Variants in DLGAP2 observed in about 807,000 individuals in gnomAD.
DLGAP2 encodes DLG associated protein 2.
DLGAP2 carries 26 observed loss-of-function variants against 100.3 expected under a neutral mutation model. That is an observed-to-expected ratio of 0.26 (90% CI 0.19 to 0.36). The LOEUF (loss-of-function observed/expected upper bound fraction) is 0.36, where lower values mean the gene tolerates loss of function less well. DLGAP2 is among the 10% of genes least tolerant of loss of function. The probability of loss-of-function intolerance (pLI) is 1.00; values close to 1 mark genes in which losing one functional copy is unlikely to be tolerated. For missense variants in DLGAP2, 1,858 were observed against 1,453.2 expected, an observed-to-expected ratio of 1.28 and a Z score of -4.53; for synonymous variants, 886 against 630.1, an observed-to-expected ratio of 1.41 and a Z score of -6.08.
chr8:1,626,863 G>C lies in DLGAP2; in HGVS notation c.1566G>C (p.Leu522=). The C allele has an allele frequency of 6.2e-7, 1 of 1,605,854 alleles. No homozygotes were observed. Among genetic ancestry groups the C allele is most frequent in the African/African-American group, 1.3e-5 (1 of 74,884 alleles). ...NQSYMRAVST[L]SQASCVSQVS... ...GCTACATGAGGGCCGTCAGCACCCT[G>C]AGCCAGGCCAGCTGCGTGAGCCAGG... The change falls in exon 7 of 15, where the codon CTG becomes CTC. Residue 522 remains leucine, a synonymous_variant. Coordinates refer to ENST00000637795, the MANE Select transcript of DLGAP2 (RefSeq NM_001346810.2).
At chr8:1,343,809 A>C (rs1012636993) in intron 3 of DLGAP2, among the ~76,000 whole-genome samples, 1 of 151,828 alleles carries the variant, frequency 6.6e-6, no homozygotes, top group African/African-American at 2.4e-5. Context: ...GTGGCACGAG[A>C]TCCTCCCTGC....
chr8:1,156,882 G>A (rs1218584438), intron 2 of DLGAP2, among the ~76,000 whole-genome samples: 2 of 152,170 alleles, frequency 1.3e-5, no homozygotes, highest in Admixed American at 6.5e-5. Flanking sequence ...CGAAGATGAG[G>A]AGGCTGACTC....
intron 13 of DLGAP2, among the ~76,000 whole-genome samples, chr8:1,695,428 C>CTT: frequency 7.1e-6 from 1 of 141,160 alleles, no homozygotes; most frequent in Non-Finnish European, 1.5e-5. Context: ...GGGGCACAGC[C>CTT]ATGTCCGGCC....
chr8:1,472,130 A>T (rs1461058581), intron 3 of DLGAP2, among the ~76,000 whole-genome samples: 1 of 152,224 alleles, frequency 6.6e-6, no homozygotes, highest in Non-Finnish European at 1.5e-5. Context: ...CCACAGTGAG[A>T]ACGCAGAGCA....
intron 6 of DLGAP2, among the ~76,000 whole-genome samples, chr8:1,573,880 AC>A (rs1802857804): frequency 6.6e-6 from 1 of 152,108 alleles, no homozygotes; most frequent in Non-Finnish European, 1.5e-5. Context: ...GTGTGAGCTG[AC>A]CCCTTAGAAT....
chr8:1,629,277 T>A (rs895494470), intron 7 of DLGAP2, among the ~76,000 whole-genome samples: 1 of 152,228 alleles, frequency 6.6e-6, no homozygotes, highest in Non-Finnish European at 1.5e-5. Flanking sequence ...CTCGGTTACT[T>A]CTTTCCTTCC....
chr8:1,112,470 C>T (rs1804989000), intron 2 of DLGAP2, among the ~76,000 whole-genome samples: 1 of 152,110 alleles, frequency 6.6e-6, no homozygotes, highest in Non-Finnish European at 1.5e-5. Context: ...TCGATCTCCT[C>T]ACCTCATGAT....
intron 3 of DLGAP2, among the ~76,000 whole-genome samples, chr8:1,454,910 G>T (rs938176993): frequency 1.3e-5 from 2 of 152,136 alleles, no homozygotes; most frequent in Non-Finnish European, 2.9e-5. Flanking sequence ...TGACCTGATG[G>T]CCAGGACAGG....
intron 2 of DLGAP2, among the ~76,000 whole-genome samples, chr8:1,226,624 TAAATG>T (rs948616336): frequency 2.0e-5 from 3 of 152,000 alleles, no homozygotes; most frequent in African/African-American, 7.3e-5. Context: ...ACTGAAAAAA[TAAATG>T]AAATATGGGC....
chr8:1,548,458 GAAAAAAAAAAAA>G (rs773138776), intron 4 of DLGAP2, among the ~76,000 whole-genome samples, 156 bp from the exon 5 acceptor site: 2 of 41,572 alleles, frequency 4.8e-5, no homozygotes, highest in Non-Finnish European at 8.5e-5. Flanking sequence ...GACTGTCTCA[GAAAAAAAAAAAA>G]AAAAAAAAAA....
intron 2 of DLGAP2, among the ~76,000 whole-genome samples, chr8:1,106,489 G>C (rs1356313181): frequency 6.7e-6 from 1 of 149,980 alleles, no homozygotes; most frequent in Non-Finnish European, 1.5e-5. Flanking sequence ...AGCCATTCTA[G>C]GACGGTTTTC....
chr8:1,700,088 A>C (rs1199178672), intron 14 of DLGAP2, among the ~76,000 whole-genome samples: 1 of 152,182 alleles, frequency 6.6e-6, no homozygotes, highest in African/African-American at 2.4e-5. Flanking sequence ...AGTCACGTAA[A>C]ACAAGCCGAG....
intron 3 of DLGAP2, among the ~76,000 whole-genome samples, chr8:1,368,233 T>C (rs1802153910): frequency 6.6e-6 from 1 of 152,026 alleles, no homozygotes; most frequent in African/African-American, 2.4e-5. Context: ...CAGGTGTGTA[T>C]GCATGTATGT....
At chr8:1,179,901 A>T (rs1231682567) in intron 2 of DLGAP2, among the ~76,000 whole-genome samples, 1 of 152,248 alleles carries the variant, frequency 6.6e-6, no homozygotes, top group Non-Finnish European at 1.5e-5. Flanking sequence ...TTATGTGAAA[A>T]CAAAATAACG....
chr8:1,553,912 G>C (rs1801868224), intron 5 of DLGAP2, among the ~76,000 whole-genome samples: 1 of 152,202 alleles, frequency 6.6e-6, no homozygotes, highest in Non-Finnish European at 1.5e-5. Flanking sequence ...CATCCTTGCG[G>C]TGTAGTTTAG....
In DLGAP2 at chr8:1,555,040, G is replaced by A. The variant is rs373604160; in HGVS notation, c.1230+5357G>A. ...CCACTCTAATGCACGTTTGCAATTTGAAAGGAGGGCTTTTGTTTTAAGTGG... is the reference window on the plus strand; with the variant it reads ...CCACTCTAATGCACGTTTGCAATTTAAAAGGAGGGCTTTTGTTTTAAGTGG... On this transcript the variant is annotated intron_variant, in intron 5 of 14. Coordinates refer to ENST00000637795, the MANE Select transcript of DLGAP2 (RefSeq NM_001346810.2). 2.1e-3 allele frequency among the ~76,000 whole-genome samples: 320 copies of A among 152,270 alleles called. 1 individual carries two copies. The highest frequency in any genetic ancestry group is 3.6e-3 in the Non-Finnish European group (242 of 68,010).
chr8:1,345,001 C>G (rs758022835), intron 3 of DLGAP2, among the ~76,000 whole-genome samples: 10 of 152,200 alleles, frequency 6.6e-5, no homozygotes, highest in Non-Finnish European at 1.0e-4. Context: ...CAATAAAAGT[C>G]CTTCCAAATT....
intron 2 of DLGAP2, chr8:1,137,600 C>G (rs1233714032): frequency 2.0e-5 from 3 of 152,206 alleles, no homozygotes; most frequent in African/African-American, 2.4e-5. Flanking sequence ...GTAAAACTCC[C>G]TGTTTGAATG....
intron 1 of DLGAP2, among the ~76,000 whole-genome samples, chr8:880,435 C>T (rs1797766316): frequency 6.6e-6 from 1 of 152,240 alleles, no homozygotes. Flanking sequence ...GGGTGACCGT[C>T]CAGTGTGTGT....
Sources: allele counts gnomAD v4.1 joint callset (sites outside exome capture counted in the v4.1 genomes callset), GRCh38; gene constraint gnomAD v4.1.1; transcripts MANE v1.5; gene names NCBI Gene and HGNC (gene_info 2026-07-23, HGNC 2026-07-21).